Variants in SNAPC4 observed in about 807,000 individuals in gnomAD.
SNAPC4 encodes the protein snRNA-activating protein complex subunit 4.
Under a neutral mutation model 151.3 loss-of-function variants are expected in SNAPC4, and 127 were observed. The observed-to-expected ratio is 0.84, with a 90% confidence interval of 0.73 to 0.97. SNAPC4 has a LOEUF of 0.97. SNAPC4 is among the 50% of genes least tolerant of loss of function. SNAPC4 has a pLI of 0.00. For missense variants in SNAPC4, 2,186 were observed against 1,935.0 expected (o/e 1.13, Z -2.43); for synonymous variants, 1,002 against 824.4 (o/e 1.22, Z -3.69).
intron 10 of SNAPC4, among the ~76,000 whole-genome samples, chr9:136,390,813 GA>G (rs1834045366): frequency 6.6e-6 from 1 of 151,332 alleles, no homozygotes; most frequent in Non-Finnish European, 1.5e-5. Context: ...ATACATAGAA[GA>G]AAAACCGATT....
chr9:136,388,172 C>A (rs2131491152), intron 11 of SNAPC4, among the ~76,000 whole-genome samples: 1 of 151,378 alleles, frequency 6.6e-6, no homozygotes, highest in South Asian at 2.1e-4. Flanking sequence ...GAGGCTGAGG[C>A]ACGAGAATCG....
At chr9:136,396,001 C>T (rs919458618) in intron 3 of SNAPC4, among the ~76,000 whole-genome samples, 1 of 152,260 alleles carries the variant, frequency 6.6e-6, no homozygotes, top group African/African-American at 2.4e-5. Context: ...TAATCCACGG[C>T]AGGCAGAGCC....
Position 136,387,868 on chromosome 9 carries a change from G to A in SNAPC4, c.1124-20C>T, listed in dbSNP as rs764432651. On this transcript the variant is annotated intron_variant, in intron 11 of 23. Transcript: ENST00000684778. ...AGACAACTAGGGACAGAGGAACAGG[G>A]AGGTCCTGTGGGGCCGAGACACACA... 7.1e-6 allele frequency: 10 copies of A among 1,404,122 alleles called. No individual in the cohort carries two copies. In the African/African-American group the frequency reaches 1.3e-4, roughly 18 times the overall value. The allele number at this position is 1,404,122 out of a possible 1,614,324, so 87.0% of individuals were successfully genotyped here.
chr9:136,390,760 G>A (rs923598670), intron 10 of SNAPC4, among the ~76,000 whole-genome samples: 3 of 150,678 alleles, frequency 2.0e-5, no homozygotes, highest in African/African-American at 7.3e-5. Flanking sequence ...AGCAGACCCC[G>A]ATTAAAAAAA....
Position 136,392,790 on chromosome 9 carries a change from G to A in SNAPC4, c.633-13C>T. 2 of 1,611,564 alleles carry A rather than the reference G, an allele frequency of 1.2e-6. No homozygotes were observed. Among genetic ancestry groups the A allele is most frequent in the East Asian group, 2.2e-5 (1 of 44,872 alleles). Reference sequence around the variant, plus strand: ...CAAGTACTCGAGCCTGCAAAGCAGAGCAGAGGCAGAAGGGCTGGGGCACGA... The same window carrying A: ...CAAGTACTCGAGCCTGCAAAGCAGAACAGAGGCAGAAGGGCTGGGGCACGA... On this transcript the variant is annotated splice_polypyrimidine_tract_variant and intron_variant, in intron 7 of 23. Transcript: ENST00000684778.
Position 136,377,652 on chromosome 9 carries a change from ACT to A in SNAPC4, c.4173_4174del (p.Val1392ThrfsTer7). 1 of 1,602,554 alleles carries A rather than the reference ACT, an allele frequency of 6.2e-7. No homozygotes were observed. Among genetic ancestry groups the A allele is most frequent in the Non-Finnish European group, 8.5e-7 (1 of 1,173,612 alleles). ...ACTCTCAGAGCCCACCCTCGAAGGT[ACT>A]GAGAGGGTGGTGCGGACGCCTTGGG... On this transcript the variant is annotated frameshift_variant, in exon 22 of 24. Coordinates refer to ENST00000684778, the MANE Select transcript of SNAPC4 (RefSeq NM_003086.4). LOFTEE classifies it high-confidence loss of function.
At chr9:136,386,659 C>T (rs1833900201) in intron 13 of SNAPC4, among the ~76,000 whole-genome samples, 3 of 151,936 alleles carry the variant, frequency 2.0e-5, no homozygotes, top group African/African-American at 7.3e-5. Context: ...GTCTCAAACT[C>T]CCAACCTCAG....
intron 1 of SNAPC4, among the ~76,000 whole-genome samples, chr9:136,399,362 A>G (rs1473062192): frequency 6.6e-6 from 1 of 152,150 alleles, no homozygotes; most frequent in Non-Finnish European, 1.5e-5. Context: ...TTTATGCCCG[A>G]AATGCTTGTG....
At chr9:136,376,509 AAG>A (rs1482843716) in intron 22 of SNAPC4, 28 bp from the exon 23 acceptor site, 3 of 1,611,616 alleles carry the variant, frequency 1.9e-6, no homozygotes, top group Non-Finnish European at 1.7e-6. Context: ...CAGTGGGGAC[AAG>A]AGTGACACCC....
At chr9:136,379,416 A>T (rs1362712635) in intron 21 of SNAPC4, 117 bp from the exon 22 acceptor site, 4 of 1,478,484 alleles carry the variant, frequency 2.7e-6, no homozygotes, top group Non-Finnish European at 3.6e-6. Context: ...TCTTGAGCCA[A>T]GAGAGGGTCA....
rs1833931058 is a variant in SNAPC4 at position 136,387,550 on chromosome 9, C to T, written c.1260G>A (p.Gly420=). ...AKLLQAVAKY[G]EQDWFKIREE... is the part of the protein sequence containing the mutation. ...CCCGGATTTTAAACCAATCCTGCTC[C>T]CCGTATTTGGCAACAGCTTGAAGCA... The change falls in exon 13 of 24, where the codon GGG becomes GGA. Residue 420 remains glycine (G), a synonymous_variant. Coordinates refer to ENST00000684778, the MANE Select transcript of SNAPC4 (RefSeq NM_003086.4). The T allele has an allele frequency of 6.2e-7, 1 of 1,613,954 alleles. No homozygotes were observed. Among genetic ancestry groups the T allele is most frequent in the East Asian group, 2.2e-5 (1 of 44,888 alleles).
At chr9:136,399,343 A>C (rs559025843) in intron 1 of SNAPC4, among the ~76,000 whole-genome samples, 1 of 152,244 alleles carries the variant, frequency 6.6e-6, no homozygotes, top group South Asian at 2.1e-4. Flanking sequence ...TCCTTCACAA[A>C]GCCCCTTGTT....
intron 21 of SNAPC4, 25 bp downstream of exon 21, chr9:136,379,812 C>A: frequency 6.2e-7 from 1 of 1,609,772 alleles, no homozygotes; most frequent in Non-Finnish European, 8.5e-7. Context: ...GTCTCTTCCC[C>A]ACCAGGGCAG....
intron 11 of SNAPC4, 63 bp downstream of exon 11, chr9:136,388,381 C>G: frequency 6.5e-7 from 1 of 1,545,170 alleles, no homozygotes; most frequent in South Asian, 1.2e-5. Context: ...CCCTGCAAGT[C>G]TCCAGTGTCC....
chr9:136,385,833 C>T (rs1242790034), intron 13 of SNAPC4, among the ~76,000 whole-genome samples: 1 of 152,280 alleles, frequency 6.6e-6, no homozygotes, highest in Middle Eastern at 3.4e-3. Context: ...GGATTACAGG[C>T]GTGAGCCACC....
intron 10 of SNAPC4, 118 bp downstream of exon 10, chr9:136,391,824 C>T (rs1834084116): frequency 2.7e-6 from 3 of 1,125,214 alleles, no homozygotes; most frequent in Non-Finnish European, 2.5e-6. Context: ...GGTGGCAACA[C>T]ATAGAAACCT....
chr9:136,388,319 C>T (rs1833958934), intron 11 of SNAPC4, 125 bp downstream of exon 11: 10 of 827,722 alleles, frequency 1.2e-5, no homozygotes, highest in Middle Eastern at 3.7e-4. Context: ...AACTGTGGAA[C>T]AGCCAGGACT....
intron 7 of SNAPC4, 117 bp downstream of exon 7, chr9:136,394,132 G>A: frequency 2.4e-6 from 2 of 830,042 alleles, no homozygotes; most frequent in Non-Finnish European, 4.2e-6. Flanking sequence ...TGCCCAGGCT[G>A]GGCTTGAACT....
intron 3 of SNAPC4, among the ~76,000 whole-genome samples, chr9:136,396,744 C>T (rs917368227): frequency 1.2e-4 from 19 of 152,222 alleles, no homozygotes; most frequent in African/African-American, 4.3e-4. Flanking sequence ...CAGAGGCATA[C>T]AGCAATGAGC....
Sources: allele counts gnomAD v4.1 joint callset (sites outside exome capture counted in the v4.1 genomes callset), GRCh38; gene constraint gnomAD v4.1.1; transcripts MANE v1.5; gene names NCBI Gene and HGNC (gene_info 2026-07-23, HGNC 2026-07-21).